Variants in CDH23 observed in about 807,000 individuals in gnomAD.
The protein encoded by CDH23 is cadherin related 23.
CDH23 carries 189 observed loss-of-function variants against 317.1 expected under a neutral mutation model. That is an observed-to-expected ratio of 0.60 (90% CI 0.53 to 0.67). The LOEUF is 0.67. Ranked by LOEUF, CDH23 falls within the 30% of genes least tolerant of loss-of-function variation. CDH23 has a pLI of 0.00. For missense variants in CDH23, 4,401 were observed against 4,592.4 expected (o/e 0.96, Z 1.20); for synonymous variants, 1,839 against 1,876.8 (o/e 0.98, Z 0.52).
At chr10:71,530,749 C>T (rs867534522) in intron 6 of CDH23, among the ~76,000 whole-genome samples, 8 of 152,252 alleles carry the variant, frequency 5.3e-5, no homozygotes, top group African/African-American at 1.9e-4. Context: ...CCGACCAATG[C>T]ACAGCATCAT....
At position 71,397,933 on chromosome 10, in the gene CDH23, C is replaced by T. The variant is rs12248115; in HGVS notation, c.-6+615C>T. Among the ~76,000 whole-genome samples, 1 of 152,196 alleles carries T rather than the reference C, an allele frequency of 6.6e-6. No homozygotes were observed. ...GACGCGCCCCTCGAGGAGCCGGGAG[C>T]CTTTTGCGGCTCTCGCTTCGCCTTC... On this transcript the variant is annotated intron_variant, in intron 1 of 69. Transcript: ENST00000224721. This position sits in a 1 kb window ranked among gnomAD's most constrained non-coding sequence, Gnocchi z 4.8.
Position 71,798,530 on chromosome 10 carries a change from C to A in CDH23, c.7006C>A (p.Leu2336Met), listed in dbSNP as rs1841468098. 1 of 1,613,674 alleles carries A rather than the reference C, an allele frequency of 6.2e-7. No individual in the cohort carries two copies. Among genetic ancestry groups the A allele is most frequent in the Non-Finnish European group, 8.5e-7 (1 of 1,179,706 alleles). The change falls in exon 50 of 70, where the codon CTG becomes ATG. Residue 2336 changes from leucine to methionine, a missense_variant. Physicochemically the swap from Leu to Met is conservative, Grantham distance 15 (BLOSUM62 2). Coordinates refer to ENST00000224721, the MANE Select transcript of CDH23 (RefSeq NM_022124.6). The stretch of plus-strand genomic sequence containing the variant: ...TAATGGGCTGGTCACCTACACCCTG[C>A]TGGACCTGGTGCCCCCAGGGTATGT... ...GLNGLVTYTLLDLVPPGYVQL... is the reference protein window; with the variant it reads ...GLNGLVTYTLMDLVPPGYVQL...
At position 71,682,453 on chromosome 10, in the gene CDH23, G is replaced by A. The variant is rs143782870; in HGVS notation, c.1867G>A (p.Val623Ile). 272 of 1,611,794 alleles carry A rather than the reference G, an allele frequency of 1.7e-4. 3 individuals are homozygous for A. In the South Asian group the frequency reaches 1.8e-3, roughly 10 times the overall value. Residue 623 changes from valine to isoleucine, a missense_variant, in exon 18 of 70, where the codon GTC (valine) becomes ATC (isoleucine). Physicochemically the swap from Val to Ile is conservative, Grantham distance 29. This residue lies in a region of CDH23 where 3,068 missense variants were observed against 3,203.3 expected (regional missense o/e 0.96). Coordinates refer to ENST00000224721, the MANE Select transcript of CDH23 (RefSeq NM_022124.6). The stretch of plus-strand genomic sequence containing the variant: ...TGTTCCTGTCATTGCAGTGATCAGC[G>A]TCAGTCGCCCCCTGGATTATGAACA... Reference protein sequence around the residue: ...SLYEGYGVISVSRPLDYEQIS... With the variant: ...SLYEGYGVISISRPLDYEQIS...
chr10:71,811,907 C>T, intron 65 of CDH23, 48 bp from the exon 66 acceptor site: 2 of 1,288,976 alleles, frequency 1.6e-6, no homozygotes, highest in East Asian at 2.6e-5. Flanking sequence ...ACCACCCCTA[C>T]CCCTGGCTAT....
At chr10:71,644,026 G>A (rs1862704745) in intron 12 of CDH23, among the ~76,000 whole-genome samples, 160 bp downstream of exon 12, 2 of 152,264 alleles carry the variant, frequency 1.3e-5, no homozygotes, top group African/African-American at 4.8e-5. Context: ...AAGGAGAGGA[G>A]TTGGTGTCAC....
At chr10:71,413,326 C>T (rs1848413669) in intron 1 of CDH23, among the ~76,000 whole-genome samples, 1 of 152,076 alleles carries the variant, frequency 6.6e-6, no homozygotes, top group African/African-American at 2.4e-5. Flanking sequence ...GGTTCTGTTC[C>T]ATTTGTCTGT....
rs1039301435 is a variant in CDH23 at position 71,791,202 on chromosome 10, G to A, written c.6120G>A (p.Leu2040=). 1 of 1,613,528 alleles carries A rather than the reference G, an allele frequency of 6.2e-7. No individual in the cohort carries two copies. The highest frequency in any genetic ancestry group is 8.5e-7 in the Non-Finnish European group (1 of 1,179,720). Residue 2040 remains leucine (L), a synonymous_variant, in exon 47 of 70, where the codon CTG becomes CTA. Coordinates refer to ENST00000224721, the MANE Select transcript of CDH23 (RefSeq NM_022124.6). ...TCTCGCCACCCATCCTGGAGCTGCT[G>A]CTGCTGGCTGAGGACATCGGGCTGC... ...EAFSPPILEL[L]LLAEDIGLLN...
chr10:71,755,332 C>G, intron 38 of CDH23: 1 of 1,594,660 alleles, frequency 6.3e-7, no homozygotes, highest in Non-Finnish European at 8.6e-7. Context: ...CACCGTCCAC[C>G]CACCCCAGGC....
chr10:71,544,249 G>A (rs1856148689), intron 6 of CDH23, among the ~76,000 whole-genome samples: 1 of 152,204 alleles, frequency 6.6e-6, no homozygotes, highest in Non-Finnish European at 1.5e-5. Context: ...AAAGGGAGAT[G>A]GGGGTAGAAA....
At chr10:71,752,352 C>T (rs1278938967) in intron 38 of CDH23, among the ~76,000 whole-genome samples, 1 of 152,218 alleles carries the variant, frequency 6.6e-6, no homozygotes, top group Non-Finnish European at 1.5e-5. Context: ...AGCAGGACTT[C>T]CTTCAACCTG....
intron 28 of CDH23, among the ~76,000 whole-genome samples, chr10:71,721,869 A>C (rs1429574928): frequency 6.6e-6 from 1 of 152,062 alleles, no homozygotes; most frequent in East Asian, 1.9e-4. Context: ...CTGGGGTCCT[A>C]GTTCCTTCCT....
At chr10:71,630,054 C>G (rs1861928932) in intron 11 of CDH23, among the ~76,000 whole-genome samples, 1 of 152,162 alleles carries the variant, frequency 6.6e-6, no homozygotes, top group African/African-American at 2.4e-5. Flanking sequence ...CAACGTATCA[C>G]TCTGTCACTC....
At chr10:71,449,768 G>A (rs1037779727) in intron 3 of CDH23, among the ~76,000 whole-genome samples, 6 of 152,176 alleles carry the variant, frequency 3.9e-5, no homozygotes, top group African/African-American at 1.2e-4. Flanking sequence ...GAGCCTTCTC[G>A]TTTTGTATGC....
chr10:71,611,358 G>A (rs2132504389), intron 9 of CDH23, among the ~76,000 whole-genome samples: 1 of 152,244 alleles, frequency 6.6e-6, no homozygotes, highest in African/African-American at 2.4e-5. Context: ...CTCAGTTCAG[G>A]GCAGCCTGTA....
chr10:71,745,961 G>A (rs1325436022), intron 38 of CDH23, among the ~76,000 whole-genome samples: 1 of 152,236 alleles, frequency 6.6e-6, no homozygotes, highest in African/African-American at 2.4e-5. Context: ...GCTTCAAAAT[G>A]GCCTTCACTG....
chr10:71,467,770 T>C (rs936173658), intron 3 of CDH23, among the ~76,000 whole-genome samples: 21 of 152,190 alleles, frequency 1.4e-4, no homozygotes, highest in Admixed American at 1.2e-3. Context: ...GCCTGGCACC[T>C]AAACAGCATT....
chr10:71,642,854 G>A (rs1350333805), intron 11 of CDH23, among the ~76,000 whole-genome samples: 1 of 152,184 alleles, frequency 6.6e-6, no homozygotes, highest in African/African-American at 2.4e-5. Flanking sequence ...TGAAGCCCAG[G>A]CACTCCCTGA....
intron 26 of CDH23, chr10:71,707,268 C>T (rs984490523): frequency 6.9e-6 from 10 of 1,440,668 alleles, no homozygotes; most frequent in Non-Finnish European, 5.4e-6. Context: ...TCCCTGGGGA[C>T]CTCCTGAACC....
At chr10:71,601,538 A>G (rs1021895936) in intron 9 of CDH23, among the ~76,000 whole-genome samples, 3 of 152,202 alleles carry the variant, frequency 2.0e-5, no homozygotes, top group Non-Finnish European at 4.4e-5. Flanking sequence ...AGCCACTGCA[A>G]TATCTGCCCT....
Sources: allele counts gnomAD v4.1 joint callset (sites outside exome capture counted in the v4.1 genomes callset), GRCh38; gene constraint gnomAD v4.1.1; regional missense constraint gnomAD v4.1.1; non-coding constraint Gnocchi (gnomAD v3.1); transcripts MANE v1.5; gene names NCBI Gene and HGNC (gene_info 2026-07-23, HGNC 2026-07-21).